The following BMERB1 variants were observed in gnomAD, a reference collection of about 807,000 sequenced individuals.
BMERB1 encodes the protein bMERB domain containing 1, also known as bMERB domain-containing protein 1.
Under a neutral mutation model 23.6 loss-of-function variants are expected in BMERB1, and 12 were observed. The observed-to-expected ratio is 0.51, with a 90% confidence interval of 0.33 to 0.82. The LOEUF is 0.82. Ranked by LOEUF, BMERB1 falls within the 40% of genes least tolerant of loss-of-function variation. The probability of loss-of-function intolerance (pLI) is 0.03; values close to 1 mark genes in which losing one functional copy is unlikely to be tolerated. For missense variants in BMERB1, 247 were observed against 255.4 expected (o/e 0.97, Z 0.22); for synonymous variants, 122 against 96.6 (o/e 1.26, Z -1.54).
At chr16:15,556,034 C>T (rs975919593) in intron 2 of BMERB1, among the ~76,000 whole-genome samples, 2 of 152,020 alleles carry the variant, frequency 1.3e-5, no homozygotes, top group African/African-American at 4.8e-5. Flanking sequence ...CAAAAATTTG[C>T]TGGGCATGGT....
chr16:15,537,293 T>C (rs1285808146), intron 2 of BMERB1, among the ~76,000 whole-genome samples: 1 of 152,144 alleles, frequency 6.6e-6, no homozygotes, highest in African/African-American at 2.4e-5. Flanking sequence ...TTTATTTTTA[T>C]TTTTTTAAAG....
chr16:15,524,671 T>G (rs1353000339), intron 2 of BMERB1, among the ~76,000 whole-genome samples: 1 of 152,108 alleles, frequency 6.6e-6, no homozygotes, highest in African/African-American at 2.4e-5. Flanking sequence ...TCGAGAGGCT[T>G]GAGGCACAAG....
chr16:15,510,465 C>T (rs571266436), intron 1 of BMERB1, among the ~76,000 whole-genome samples: 2 of 152,224 alleles, frequency 1.3e-5, no homozygotes, highest in Middle Eastern at 3.4e-3. Context: ...GCGGTCATAA[C>T]GAGGGCAATT....
intron 1 of BMERB1, among the ~76,000 whole-genome samples, chr16:15,436,479 G>A (rs1297688645): frequency 6.6e-6 from 1 of 151,952 alleles, no homozygotes; most frequent in African/African-American, 2.4e-5. Flanking sequence ...GGCTGGTCCC[G>A]AACTCCTGAC....
At chr16:15,480,593 C>G (rs2051311183) in intron 1 of BMERB1, among the ~76,000 whole-genome samples, 1 of 145,530 alleles carries the variant, frequency 6.9e-6, no homozygotes, top group Non-Finnish European at 1.5e-5. Context: ...CATCCATATG[C>G]CAATTCCACT....
intron 2 of BMERB1, among the ~76,000 whole-genome samples, chr16:15,565,577 A>AGT (rs1385954450): frequency 6.6e-6 from 1 of 152,214 alleles, no homozygotes; most frequent in Admixed American, 6.5e-5. Flanking sequence ...GGCCAGGTAC[A>AGT]GTGGCTCACG....
chr16:15,541,580 C>T (rs983077238), intron 2 of BMERB1, among the ~76,000 whole-genome samples: 1 of 149,092 alleles, frequency 6.7e-6, no homozygotes, highest in African/African-American at 2.5e-5. Context: ...TGGGTGCCAA[C>T]ATGCCTGGCT....
At chr16:15,453,443 TG>T (rs1208884212) in intron 1 of BMERB1, among the ~76,000 whole-genome samples, 2 of 152,070 alleles carry the variant, frequency 1.3e-5, no homozygotes, top group African/African-American at 4.8e-5. Flanking sequence ...CTGGGTGTGG[TG>T]GTGTACCTCT....
intron 2 of BMERB1, among the ~76,000 whole-genome samples, chr16:15,520,670 G>C (rs1051472377): frequency 6.6e-6 from 1 of 151,744 alleles, no homozygotes; most frequent in Non-Finnish European, 1.5e-5. Context: ...GTATTTTTTA[G>C]TAGAGACGGG....
At chr16:15,485,006 T>A (rs1028521690) in intron 1 of BMERB1, among the ~76,000 whole-genome samples, 8 of 152,246 alleles carry the variant, frequency 5.3e-5, no homozygotes, top group Non-Finnish European at 8.8e-5. Context: ...CTCGGGCAGA[T>A]GCTTTCCATA....
At chr16:15,501,725 G>A (rs1436269806) in intron 1 of BMERB1, among the ~76,000 whole-genome samples, 6 of 151,810 alleles carry the variant, frequency 4.0e-5, no homozygotes, top group Admixed American at 6.6e-5. Context: ...CCACCGCCTC[G>A]GACTCCCAAA....
Position 15,502,271 on chromosome 16 carries a change from A to G in BMERB1, c.107-13034A>G, listed in dbSNP as rs368928707. The G allele has an allele frequency of 2.7e-4, 416 of 1,550,790 alleles. 1 individual carries two copies. The highest frequency in any genetic ancestry group is 3.3e-4 in the Non-Finnish European group (383 of 1,146,618). ...CTTGAGGTGCCACTGGAGAATAACA[A>G]TCATAGCCAGGATGTGAAGCCTGTC... is the stretch of plus-strand genomic sequence containing the variant. On this transcript the variant is annotated intron_variant, in intron 1 of 5. Coordinates refer to ENST00000300006, the MANE Select transcript of BMERB1 (RefSeq NM_033201.3).
intron 1 of BMERB1, among the ~76,000 whole-genome samples, chr16:15,446,823 A>G (rs2050994014): frequency 6.6e-6 from 1 of 152,160 alleles, no homozygotes; most frequent in East Asian, 1.9e-4. Flanking sequence ...ACTACATCTC[A>G]CCACTTCAAA....
chr16:15,549,840 T>G (rs992032881), intron 2 of BMERB1, among the ~76,000 whole-genome samples: 1 of 152,212 alleles, frequency 6.6e-6, no homozygotes, highest in African/African-American at 2.4e-5. Flanking sequence ...ATAGTTTCTA[T>G]CAAGTTTTTT....
At chr16:15,568,722 T>G (rs1326306443) in intron 3 of BMERB1, among the ~76,000 whole-genome samples, 1 of 152,186 alleles carries the variant, frequency 6.6e-6, no homozygotes, top group Non-Finnish European at 1.5e-5. Flanking sequence ...ATATTTGGCC[T>G]CAAGAGTCCA....
intron 1 of BMERB1, among the ~76,000 whole-genome samples, chr16:15,451,636 G>A (rs1287027767): frequency 7.3e-6 from 1 of 137,476 alleles, no homozygotes; most frequent in Non-Finnish European, 1.5e-5. Flanking sequence ...ATGGCTCACT[G>A]AAGCCTTGAA....
intron 5 of BMERB1, among the ~76,000 whole-genome samples, chr16:15,585,488 A>G (rs1238508215): frequency 6.6e-6 from 1 of 152,166 alleles, no homozygotes; most frequent in African/African-American, 2.4e-5. Context: ...CATGGTATAC[A>G]GTATTCTCAC....
At chr16:15,570,105 T>C (rs910908140) in intron 3 of BMERB1, among the ~76,000 whole-genome samples, 3 of 152,124 alleles carry the variant, frequency 2.0e-5, no homozygotes, top group Non-Finnish European at 4.4e-5. Context: ...TTTGCAAAGG[T>C]GTTTTCAAAT....
chr16:15,567,191 CAAAAATA>C lies in BMERB1; in HGVS notation c.231-778_231-772del, dbSNP rs566992548. Reference sequence around the variant, plus strand: ...GGGCAACAGAGCGACACTCTATCTCCAAAAATAAAAAATAAAAAATTAAACATTTTCA... The same window carrying C: ...GGGCAACAGAGCGACACTCTATCTCCAAAAATAAAAAATTAAACATTTTCA... On this transcript the variant is annotated intron_variant, in intron 2 of 5. Coordinates refer to ENST00000300006, the MANE Select transcript of BMERB1 (RefSeq NM_033201.3). 1.2e-3 allele frequency among the ~76,000 whole-genome samples: 177 copies of C among 148,652 alleles called. 1 individual carries two copies. The highest frequency in any genetic ancestry group is 2.3e-3 in the Non-Finnish European group (155 of 67,460).
Sources: gnomAD v4.1 joint callset for allele counts (sites outside exome capture counted in the v4.1 genomes callset) on GRCh38, gnomAD v4.1.1 for gene constraint, MANE v1.5 for transcripts, NCBI Gene and HGNC (gene_info 2026-07-23, HGNC 2026-07-21) for gene names.